EPHA3: variants seen among roughly 807,000 people sequenced by gnomAD.
EPHA3 encodes the protein ephrin type-A receptor 3.
A neutral mutation model predicts 107.1 loss-of-function variants in EPHA3; 42 were observed. That is an observed-to-expected ratio of 0.39 (90% CI 0.31 to 0.51). The LOEUF (loss-of-function observed/expected upper bound fraction) is 0.51. Among genes scored for constraint, EPHA3 ranks in the 20% least tolerant of loss-of-function variants. The pLI is 0.78. For missense variants in EPHA3, 1,183 were observed against 1,211.2 expected (o/e 0.98, Z 0.35); for synonymous variants, 461 against 424.8 (o/e 1.09, Z -1.05).
intron 2 of EPHA3, among the ~76,000 whole-genome samples, chr3:89,162,412 C>G (rs1291632430): frequency 6.6e-6 from 1 of 152,174 alleles, no homozygotes; most frequent in African/African-American, 2.4e-5. Context: ...AAAGCAAATG[C>G]AATGACCTAG....
At chr3:89,372,105 G>A (rs1184396615) in intron 5 of EPHA3, among the ~76,000 whole-genome samples, 4 of 151,620 alleles carry the variant, frequency 2.6e-5, no homozygotes, top group African/African-American at 9.7e-5. Flanking sequence ...AATCTGGTCT[G>A]AAACATTCCG....
chr3:89,321,125 C>T (rs1707033854), intron 3 of EPHA3, among the ~76,000 whole-genome samples: 1 of 151,934 alleles, frequency 6.6e-6, no homozygotes, highest in African/African-American at 2.4e-5. Context: ...AAAGTACATG[C>T]ATCCCTTGTT....
intron 2 of EPHA3, among the ~76,000 whole-genome samples, chr3:89,132,443 G>T (rs2106990566): frequency 6.6e-6 from 1 of 152,258 alleles, no homozygotes; most frequent in Non-Finnish European, 1.5e-5. Flanking sequence ...ATATTTTCCA[G>T]ATTGTCTTTT....
At chr3:89,422,278 A>G (rs1384467799) in intron 11 of EPHA3, among the ~76,000 whole-genome samples, 2 of 150,050 alleles carry the variant, frequency 1.3e-5, no homozygotes, top group Non-Finnish European at 3.0e-5. Flanking sequence ...TACTGCTATT[A>G]TTGTCTTTGT....
intron 2 of EPHA3, among the ~76,000 whole-genome samples, chr3:89,206,923 T>C (rs1559600124): frequency 1.3e-5 from 2 of 152,162 alleles, no homozygotes; most frequent in African/African-American, 2.4e-5. Flanking sequence ...TCTCAACTTG[T>C]TTCGTTGTTG....
At chr3:89,298,923 T>C (rs1044651255) in intron 3 of EPHA3, among the ~76,000 whole-genome samples, 4 of 152,110 alleles carry the variant, frequency 2.6e-5, no homozygotes, top group African/African-American at 4.8e-5. Flanking sequence ...ATCATGAAGA[T>C]GATAATACAG....
intron 1 of EPHA3, among the ~76,000 whole-genome samples, chr3:89,114,630 G>A (rs865983323): frequency 6.6e-6 from 1 of 152,222 alleles, no homozygotes; most frequent in Non-Finnish European, 1.5e-5. Context: ...GGGTGGGCGA[G>A]CGCAGCCTGA....
chr3:89,334,447 C>A (rs1191685164), intron 3 of EPHA3, among the ~76,000 whole-genome samples: 2 of 152,188 alleles, frequency 1.3e-5, no homozygotes, highest in Non-Finnish European at 2.9e-5. Context: ...GAAAGTGTTA[C>A]TAATCCTACA....
chr3:89,310,443 A>C (rs1706737926), intron 3 of EPHA3, among the ~76,000 whole-genome samples: 1 of 151,968 alleles, frequency 6.6e-6, no homozygotes. Flanking sequence ...TAAGTAGGTT[A>C]ACTGAAAAGC....
rs370746392 is a variant in EPHA3, at chr3:89,293,702, A to G, written c.815-47214A>G. On this transcript the variant is annotated intron_variant, in intron 3 of 16. Coordinates refer to ENST00000336596, the MANE Select transcript of EPHA3 (RefSeq NM_005233.6). ...TGCTCTTTCTCTCTTTTCTGCTGCC[A>G]TATAAGATGTGCCTTGCTTTTCCTT... 2.8e-3 allele frequency among the ~76,000 whole-genome samples: 433 copies of G among 152,244 alleles called. 1 individual carries two copies. Among genetic ancestry groups the G allele is most frequent in the South Asian group, 0.018 (86 of 4,816 alleles).
chr3:89,423,519 T>C lies in EPHA3; in HGVS notation c.2074+4129T>C, dbSNP rs577061349. 5.5e-4 allele frequency among the ~76,000 whole-genome samples: 83 copies of C among 151,524 alleles called. 1 individual carries two copies. The highest frequency in any genetic ancestry group is 1.9e-3 in the African/African-American group (79 of 41,484). ...TACGTTGTACTTACTATACTAGTAA[T>C]TTACAGAGATAGTTTGTTAGGATAA... On this transcript the variant is annotated intron_variant, in intron 11 of 16. Transcript: ENST00000336596.
chr3:89,172,012 C>T (rs1705221028), intron 2 of EPHA3, among the ~76,000 whole-genome samples: 1 of 152,104 alleles, frequency 6.6e-6, no homozygotes, highest in African/African-American at 2.4e-5. Flanking sequence ...TTGTTTCTTC[C>T]TTCTTCGTAA....
intron 2 of EPHA3, among the ~76,000 whole-genome samples, chr3:89,133,713 A>T (rs1330761078): frequency 6.6e-6 from 1 of 152,110 alleles, no homozygotes. Context: ...CTTTCTGTTG[A>T]CCAATGCCGG....
At chr3:89,307,891 T>C (rs1706664832) in intron 3 of EPHA3, among the ~76,000 whole-genome samples, 1 of 152,198 alleles carries the variant, frequency 6.6e-6, no homozygotes, top group Non-Finnish European at 1.5e-5. Context: ...TTTTTCCATG[T>C]ACTTCCAAAG....
chr3:89,365,452 G>A (rs1177179787), intron 5 of EPHA3, among the ~76,000 whole-genome samples: 4 of 150,516 alleles, frequency 2.7e-5, no homozygotes, highest in African/African-American at 9.7e-5. Flanking sequence ...TGCAAATAAA[G>A]GGGCTACAGG....
At chr3:89,367,593 A>T (rs1170603166) in intron 5 of EPHA3, among the ~76,000 whole-genome samples, 1 of 150,722 alleles carries the variant, frequency 6.6e-6, no homozygotes, top group African/African-American at 2.4e-5. Context: ...AAACAAAAAA[A>T]AACTTCTTAG....
intron 3 of EPHA3, among the ~76,000 whole-genome samples, chr3:89,251,234 A>G (rs1705159463): frequency 6.6e-6 from 1 of 152,136 alleles, no homozygotes; most frequent in African/African-American, 2.4e-5. Flanking sequence ...AAAACAAACT[A>G]GAAAAACAAG....
intron 3 of EPHA3, among the ~76,000 whole-genome samples, chr3:89,295,005 A>G (rs912768973): frequency 3.3e-5 from 5 of 152,222 alleles, no homozygotes; most frequent in African/African-American, 9.6e-5. Flanking sequence ...TACATTTGTT[A>G]CATGGATTCA....
intron 5 of EPHA3, among the ~76,000 whole-genome samples, chr3:89,346,643 G>T (rs1035272488): frequency 2.0e-4 from 30 of 151,144 alleles, no homozygotes; most frequent in Admixed American, 7.3e-4. Context: ...TTTGTCAATT[G>T]TGGCTTTTGT....
Sources: allele counts gnomAD v4.1 joint callset (sites outside exome capture counted in the v4.1 genomes callset), GRCh38; gene constraint gnomAD v4.1.1; transcripts MANE v1.5; gene names NCBI Gene and HGNC (gene_info 2026-07-23, HGNC 2026-07-21).